Variants in SNX8 observed in about 807,000 individuals in gnomAD.
The protein encoded by SNX8 is sorting nexin-8.
In SNX8, 25 loss-of-function variants were observed where a neutral mutation model predicts 51.6. That is an observed-to-expected ratio of 0.48 (90% confidence interval 0.35 to 0.68). SNX8 has a LOEUF of 0.68. SNX8 is among the 30% of genes least tolerant of loss of function. The pLI, the probability that SNX8 is intolerant of heterozygous loss-of-function variation, is 0.00. For missense variants in SNX8, 695 were observed against 624.0 expected, an observed-to-expected ratio of 1.11 and a Z score of -1.21; for synonymous variants, 324 against 277.0, an observed-to-expected ratio of 1.17 and a Z score of -1.68.
intron 1 of SNX8, among the ~76,000 whole-genome samples, chr7:2,341,872 C>T (rs932885559): frequency 2.0e-5 from 3 of 151,988 alleles, no homozygotes; most frequent in Non-Finnish European, 4.4e-5. Flanking sequence ...ACTCGGGAGG[C>T]TGAGGCAGGA....
At chr7:2,262,265 C>T (rs1253399160) in intron 7 of SNX8, among the ~76,000 whole-genome samples, 1 of 152,184 alleles carries the variant, frequency 6.6e-6, no homozygotes, top group African/African-American at 2.4e-5. Context: ...GTCCTGAACT[C>T]CTGGGCTCAA....
chr7:2,327,698 C>T lies in SNX8; in HGVS notation c.-66+26524G>A, dbSNP rs528143165. On this transcript the variant is annotated intron_variant, in intron 1 of 5. Transcript: ENST00000435336. ...CTGGGATTACAGGCGTGAGCCATCG[C>T]ACCCGGCCTAATTTTTTGTATTTTA... is the stretch of plus-strand genomic sequence containing the variant. Among the ~76,000 whole-genome samples the T allele has an allele frequency of 6.1e-4, 91 of 150,106 alleles. 2 individuals are homozygous for T. The South Asian group carries it at 0.016, about 27-fold the overall frequency.
intron 1 of SNX8, among the ~76,000 whole-genome samples, chr7:2,327,244 TTC>T (rs1778637622): frequency 1.3e-5 from 2 of 151,986 alleles, no homozygotes; most frequent in Admixed American, 1.3e-4. Flanking sequence ...TCCTTTTATT[TTC>T]TTTTTTGTTT....
chr7:2,346,749 A>C (rs1201918581), intron 1 of SNX8, among the ~76,000 whole-genome samples: 5 of 149,398 alleles, frequency 3.3e-5, no homozygotes, highest in African/African-American at 1.2e-4. Flanking sequence ...AAAAAAAAAA[A>C]AAAAAAAAAA....
intron 1 of SNX8, among the ~76,000 whole-genome samples, chr7:2,296,791 A>G (rs1298357822): frequency 2.0e-5 from 3 of 151,750 alleles, no homozygotes; most frequent in South Asian, 2.1e-4. Flanking sequence ...TTAGCCAGGC[A>G]TGGTGGCGGA....
intron 7 of SNX8, among the ~76,000 whole-genome samples, chr7:2,262,615 C>T (rs1420753698): frequency 4.6e-5 from 7 of 152,200 alleles, no homozygotes; most frequent in Non-Finnish European, 1.0e-4. Flanking sequence ...CTGGTCCACC[C>T]AGGAGTATGC....
At chr7:2,335,734 C>T (rs949828142) in intron 1 of SNX8, among the ~76,000 whole-genome samples, 23 of 131,412 alleles carry the variant, frequency 1.8e-4, no homozygotes, top group Admixed American at 9.9e-4. Context: ...ACCTGGGAGG[C>T]GGAGCTTGCG....
intron 1 of SNX8, among the ~76,000 whole-genome samples, chr7:2,344,383 G>C (rs189451011): frequency 1.4e-5 from 2 of 143,616 alleles, no homozygotes; most frequent in Non-Finnish European, 1.5e-5. Flanking sequence ...AGGCCCAGAC[G>C]GGCGGATCAC....
rs776079620 is a variant in SNX8, at chr7:2,256,884, C to G, written c.1274G>C (p.Gly425Ala). 5.6e-6 allele frequency: 9 copies of G among 1,612,490 alleles called. No individual in the cohort carries two copies. In the Admixed American group the frequency reaches 6.7e-5, roughly 12 times the overall value. The change falls in exon 10 of 11, where the codon GGG becomes GCG. Residue 425 changes from glycine (G) to alanine (A), a missense_variant. By Grantham distance (60) the Gly-to-Ala change is moderately conservative. Transcript: ENST00000222990. ...LRAFVNSQIQ[G>A]HKEMSKVWND... ...GCAGGGCGGACTCACCTCCTTGTGC[C>G]CTTGGATCTGAGAGTTGACGAAGGC...
At chr7:2,322,062 G>A (rs1778528867) in intron 1 of SNX8, among the ~76,000 whole-genome samples, 1 of 152,172 alleles carries the variant, frequency 6.6e-6, no homozygotes. Flanking sequence ...TTAGTAGCAA[G>A]AACCCAGTTA....
At chr7:2,326,411 A>T (rs1293995296) in intron 1 of SNX8, among the ~76,000 whole-genome samples, 1 of 152,134 alleles carries the variant, frequency 6.6e-6, no homozygotes, top group Non-Finnish European at 1.5e-5. Context: ...CACGCCTGTA[A>T]TCCCAGCACT....
At chr7:2,327,837 C>T (rs1349921629) in intron 1 of SNX8, among the ~76,000 whole-genome samples, 1 of 152,096 alleles carries the variant, frequency 6.6e-6, no homozygotes, top group East Asian at 1.9e-4. Flanking sequence ...GCCACCGCGC[C>T]TGGCCAGCAT....
chr7:2,257,944 C>A, intron 7 of SNX8, 141 bp from the exon 8 acceptor site: 1 of 733,828 alleles, frequency 1.4e-6, no homozygotes, highest in South Asian at 1.7e-5. Context: ...GCCAGGTCTG[C>A]AGGGGGCCCC....
intron 3 of SNX8, among the ~76,000 whole-genome samples, chr7:2,273,594 A>T (rs1384839593): frequency 2.9e-5 from 4 of 138,504 alleles, no homozygotes; most frequent in Non-Finnish European, 6.2e-5. Flanking sequence ...TCAAAAACAA[A>T]AACAAAAACA....
chr7:2,349,628 G>C (rs1779101874), intron 1 of SNX8, among the ~76,000 whole-genome samples: 1 of 151,758 alleles, frequency 6.6e-6, no homozygotes, highest in Non-Finnish European at 1.5e-5. Context: ...GTAAAGATGA[G>C]ATTTCACCAT....
rs1795412413 is a variant in SNX8, at chr7:2,264,357, C to A, written c.723G>T (p.Arg241=). The change falls in exon 6 of 11, where the codon CGG becomes CGT. Residue 241 remains arginine (R), a synonymous_variant. Transcript: ENST00000222990. ...CATTGTCGATGGCCCGCGATGCGATCCGCTCGGCCCTGTCGCGAAGCTTGT... is the reference window on the plus strand; with the variant it reads ...CATTGTCGATGGCCCGCGATGCGATACGCTCGGCCCTGTCGCGAAGCTTGT... The part of the protein sequence containing the change: ...SFHKLRDRAE[R]IASRAIDNAA... 1 of 1,612,844 alleles carries A rather than the reference C, an allele frequency of 6.2e-7. No homozygotes were observed. Among genetic ancestry groups the A allele is most frequent in the Non-Finnish European group, 8.5e-7 (1 of 1,179,938 alleles).
At chr7:2,257,980 A>G (rs545992969) in intron 7 of SNX8, among the ~76,000 whole-genome samples, 177 bp from the exon 8 acceptor site, 1 of 146,956 alleles carries the variant, frequency 6.8e-6, no homozygotes. Flanking sequence ...ACCCATTACC[A>G]GGCGGACACG....
At chr7:2,330,626 A>G (rs1048732867) in intron 1 of SNX8, among the ~76,000 whole-genome samples, 10 of 151,966 alleles carry the variant, frequency 6.6e-5, no homozygotes, top group African/African-American at 2.4e-4. Context: ...TTGGGAACTG[A>G]GCCCCCAACC....
intron 7 of SNX8, among the ~76,000 whole-genome samples, chr7:2,258,783 C>T (rs1191687678): frequency 1.3e-5 from 2 of 152,134 alleles, no homozygotes; most frequent in Non-Finnish European, 2.9e-5. Flanking sequence ...GGCTCCTCTT[C>T]GGCCCTCACA....
Sources: gnomAD v4.1 joint callset for allele counts (sites outside exome capture counted in the v4.1 genomes callset) on GRCh38, gnomAD v4.1.1 for gene constraint, MANE v1.5 for transcripts, NCBI Gene and HGNC (gene_info 2026-07-23, HGNC 2026-07-21) for gene names.